TRPM4: variants seen among roughly 807,000 people sequenced by gnomAD.
TRPM4 encodes transient receptor potential cation channel subfamily M member 4.
A neutral mutation model predicts 135.6 loss-of-function variants in TRPM4; 124 were observed. The observed-to-expected ratio is 0.91, with a 90% CI of 0.79 to 1.06. The LOEUF is 1.06. TRPM4 is among the 50% of genes least tolerant of loss of function. TRPM4 has a pLI of 0.00. For missense variants in TRPM4, 1,658 were observed against 1,671.4 expected, an observed-to-expected ratio of 0.99 and a Z score of 0.14; for synonymous variants, 745 against 705.6, an observed-to-expected ratio of 1.06 and a Z score of -0.88.
In TRPM4 at chr19:49,190,718, C is replaced by T. The variant is rs760650918; in HGVS notation, c.2155C>T (p.Arg719Trp). Residue 719 changes from arginine (R) to tryptophan (W), a missense_variant, in exon 16 of 25, where the codon CGG (arginine) becomes TGG (tryptophan). This residue lies in a region of TRPM4 where 1,412 missense variants were observed against 1,408.7 expected (regional missense o/e 1.00). Coordinates refer to ENST00000252826, the MANE Select transcript of TRPM4 (RefSeq NM_017636.4). ...TFRKSEEEPT[R>W]EELEFDMDSV... ...TAGGAAATCAGAAGAGGAGCCCACA[C>T]GGGAGGAGCTAGAGTTTGACATGGA... is the stretch of plus-strand genomic sequence containing the variant. 4.5e-5 allele frequency: 72 copies of T among 1,613,954 alleles called. No individual in the cohort carries two copies. The highest frequency in any genetic ancestry group is 3.3e-4 in the South Asian group (30 of 91,086).
chr19:49,175,817 C>T (rs551769066), intron 9 of TRPM4, among the ~76,000 whole-genome samples: 56 of 150,580 alleles, frequency 3.7e-4, no homozygotes, highest in Admixed American at 1.5e-3. Flanking sequence ...TTAGTAGAGA[C>T]GGAGTTTCAC....
At chr19:49,174,144 T>G (rs915685880) in intron 9 of TRPM4, among the ~76,000 whole-genome samples, 2 of 149,620 alleles carry the variant, frequency 1.3e-5, no homozygotes, top group Non-Finnish European at 3.0e-5. Flanking sequence ...CAAGGAAAAG[T>G]TGTGTGTGTG....
chr19:49,174,743 CAAA>C (rs34163341), intron 9 of TRPM4, among the ~76,000 whole-genome samples: 5 of 94,502 alleles, frequency 5.3e-5, no homozygotes, highest in Admixed American at 1.3e-4. Context: ...GACTCTGTCT[CAAA>C]AAAAAAAAAA....
chr19:49,160,171 A>G (rs567699443), intron 2 of TRPM4, among the ~76,000 whole-genome samples: 1 of 152,224 alleles, frequency 6.6e-6, no homozygotes, highest in Non-Finnish European at 1.5e-5. Context: ...GTGACATTTG[A>G]AAGTGAGCTG....
chr19:49,184,955 A>T lies in TRPM4; in HGVS notation c.1743+1743A>T, dbSNP rs976725339. Among the ~76,000 whole-genome samples the T allele has an allele frequency of 1.8e-4, 27 of 151,322 alleles. 1 individual carries two copies. The highest frequency in any genetic ancestry group is 3.9e-4 in the African/African-American group (16 of 41,298). On this transcript the variant is annotated intron_variant, in intron 12 of 24. Coordinates refer to ENST00000252826, the MANE Select transcript of TRPM4 (RefSeq NM_017636.4). Reference sequence around the variant, plus strand: ...TCTTTTTTTTTTAATTTTTATTTTTAAAAAAATAAATTCAGTGTTCACATT... The same window carrying T: ...TCTTTTTTTTTTAATTTTTATTTTTTAAAAAATAAATTCAGTGTTCACATT...
In TRPM4 at chr19:49,210,919, G is replaced by A; in HGVS notation, c.3461+77G>A. 6.3e-7 allele frequency: 1 copy of A among 1,589,418 alleles called. No homozygotes were observed. Among genetic ancestry groups the A allele is most frequent in the Non-Finnish European group, 8.6e-7 (1 of 1,168,792 alleles). ...GACTTCAGCTGAAGGCAGGGTCCTG[G>A]GAGGGAGGGAGAGAGGGAGGAGGCC... On this transcript the variant is annotated intron_variant, in intron 22 of 24. Transcript: ENST00000252826. This position sits in a 1 kb window ranked among gnomAD's most constrained non-coding sequence, Gnocchi z 4.1.
chr19:49,210,564 G>A lies in TRPM4; in HGVS notation c.3329-146G>A. On this transcript the variant is annotated intron_variant, in intron 21 of 24. Transcript: ENST00000252826. The surrounding 1 kb of genome is among the most constrained non-coding windows in gnomAD (Gnocchi z 4.1). ...GGCGGAGCTTAAGCACTGAGGGGCA[G>A]TGCTTACGGGTGAGGGGCGGGGCAT... is the stretch of plus-strand genomic sequence containing the variant. 7.0e-7 allele frequency: 1 copy of A among 1,436,770 alleles called. No individual in the cohort carries two copies. Among genetic ancestry groups the A allele is most frequent in the Non-Finnish European group, 9.6e-7 (1 of 1,038,072 alleles). The allele number at this position is 1,436,770 out of a possible 1,614,324, so 89.0% of individuals were successfully genotyped here. A position where few individuals can be genotyped will look rare whatever the true frequency, so the allele number is the denominator to read the frequency against.
chr19:49,164,659 G>A (rs1967103929), intron 2 of TRPM4, among the ~76,000 whole-genome samples: 1 of 151,406 alleles, frequency 6.6e-6, no homozygotes. Flanking sequence ...TGGGATTACA[G>A]GCATGAGCCA....
In TRPM4 at chr19:49,211,448, C is replaced by G. The variant is rs1969366800; in HGVS notation, c.3641-46C>G. 6.2e-7 allele frequency: 1 copy of G among 1,613,698 alleles called. No individual in the cohort carries two copies. ...CAGTCTCCCAGTTTTTCTGTCTCTC[C>G]CCTTCCCTGCCAATCACCTGCTCTC... On this transcript the variant is annotated intron_variant, in intron 24 of 24. Transcript: ENST00000252826. The surrounding 1 kb of genome is among the most constrained non-coding windows in gnomAD (Gnocchi z 4.8).
chr19:49,192,273 G>T (rs1005577709), intron 16 of TRPM4, among the ~76,000 whole-genome samples: 3 of 152,092 alleles, frequency 2.0e-5, no homozygotes, highest in African/African-American at 7.2e-5. Flanking sequence ...CTCTCAAGTA[G>T]CTGGGATTAC....
In TRPM4 at chr19:49,211,341, C is replaced by A; in HGVS notation, c.3640+72C>A. On this transcript the variant is annotated intron_variant, in intron 24 of 24. Transcript: ENST00000252826. The surrounding 1 kb of genome is among the most constrained non-coding windows in gnomAD (Gnocchi z 4.8). ...ATTTTTGCGTGTTTTTCTCTCTCGG[C>A]ACCTTTCCAGTGTCCCTGGGTCACT... 1 of 1,573,618 alleles carries A rather than the reference C, an allele frequency of 6.4e-7. No homozygotes were observed. The highest frequency in any genetic ancestry group is 8.7e-7 in the Non-Finnish European group (1 of 1,150,102).
At position 49,202,061 on chromosome 19, in the gene TRPM4, C is replaced by A. The variant is rs985101144; in HGVS notation, c.3051C>A (p.Asn1017Lys). Reference sequence around the variant, plus strand: ...GCACCTGCGTCTCCCAGTATGCCAACTGGCTGGTGGTGCTGCTCCTCGTCA... The same window carrying A: ...GCACCTGCGTCTCCCAGTATGCCAAATGGCTGGTGGTGCTGCTCCTCGTCA... The part of the protein sequence containing the change: ...QAGTCVSQYA[N>K]WLVVLLLVIF... The change falls in exon 20 of 25, where the codon AAC (asparagine) becomes AAA (lysine). Residue 1017 changes from asparagine to lysine, a missense_variant. Around this residue, in one of 3 missense-constraint regions of TRPM4, gnomAD observed 1,412 missense variants for 1,408.7 expected, o/e 1.00. Coordinates refer to ENST00000252826, the MANE Select transcript of TRPM4 (RefSeq NM_017636.4). 1.9e-6 allele frequency: 3 copies of A among 1,614,006 alleles called. No individual in the cohort carries two copies. The African/African-American group carries it at 4.0e-5, about 22-fold the overall frequency.
At chr19:49,162,566 A>C (rs370956013) in intron 2 of TRPM4, among the ~76,000 whole-genome samples, 1 of 150,166 alleles carries the variant, frequency 6.7e-6, no homozygotes, top group East Asian at 1.9e-4. Context: ...ACAAACAAAC[A>C]AAAAAACAAT....
In TRPM4 at chr19:49,168,555, C is replaced by T; in HGVS notation, c.615C>T (p.Gly205=). The change falls in exon 6 of 25, where the codon GGC becomes GGT. Residue 205 remains glycine, a splice_region_variant and synonymous_variant. Transcript: ENST00000252826. The stretch of plus-strand genomic sequence containing the variant: ...TGGTCTGGCCATTTTTCCCCTAGGG[C>T]TCGTTCCCTGCGAGGTACCGGTGGC... The part of the protein sequence containing the change: ...RNRDTLINPK[G]SFPARYRWRG... 1 of 1,613,910 alleles carries T rather than the reference C, an allele frequency of 6.2e-7. No individual in the cohort carries two copies. The highest frequency in any genetic ancestry group is 1.1e-5 in the South Asian group (1 of 91,082).
chr19:49,167,867 T>C (rs746461185), intron 3 of TRPM4, 50 bp from the exon 4 acceptor site: 1 of 1,560,304 alleles, frequency 6.4e-7, no homozygotes. Context: ...TCCCCGTCTC[T>C]CTGGGTCTCT....
At chr19:49,190,547 TG>T (rs1452592811) in intron 15 of TRPM4, 148 bp from the exon 16 acceptor site, 4 of 871,428 alleles carry the variant, frequency 4.6e-6, no homozygotes, top group Non-Finnish European at 7.3e-6. Flanking sequence ...GCCATGGCTC[TG>T]GGGGAAGGTC....
intron 15 of TRPM4, 37 bp downstream of exon 15, chr19:49,190,357 C>T (rs371862516): frequency 5.5e-5 from 87 of 1,577,480 alleles, no homozygotes; most frequent in Admixed American, 1.0e-4. Context: ...GGGATGGGGG[C>T]GGGGTGCTCA....
chr19:49,178,772 T>TG (rs1555754745), intron 9 of TRPM4, among the ~76,000 whole-genome samples: 16,253 of 150,084 alleles, frequency 0.11, 1,502 homozygotes, highest in African/African-American at 0.24. Context: ...TTTTTTATTT[T>TG]TTTTGAGATG....
Position 49,172,040 on chromosome 19 carries a change from T to G in TRPM4, c.1082T>G (p.Leu361Arg), listed in dbSNP as rs148763371. The part of the protein sequence containing the change: ...VERIMTRKEL[L>R]TVYSSEDGSE... ...AGGATTATGACCCGGAAGGAGCTCC[T>G]GACAGTCTATTCTTCTGAGGATGGG... The change falls in exon 9 of 25, where the codon CTG (leucine) becomes CGG (arginine). Residue 361 changes from leucine (L) to arginine (R), a missense_variant. Leu to Arg is a moderately radical substitution (Grantham distance 102, BLOSUM62 -2). This residue lies in a region of TRPM4 where 1,412 missense variants were observed against 1,408.7 expected (regional missense o/e 1.00). Coordinates refer to ENST00000252826, the MANE Select transcript of TRPM4 (RefSeq NM_017636.4). The G allele has an allele frequency of 2.5e-4, 401 of 1,613,952 alleles. No individual in the cohort carries two copies. Among genetic ancestry groups the G allele is most frequent in the Middle Eastern group, 1.8e-3 (11 of 6,078 alleles).
Sources: gnomAD v4.1 joint callset for allele counts (sites outside exome capture counted in the v4.1 genomes callset) on GRCh38, gnomAD v4.1.1 for gene constraint, gnomAD v4.1.1 regional missense constraint, Gnocchi (gnomAD v3.1) non-coding constraint, MANE v1.5 for transcripts, NCBI Gene and HGNC (gene_info 2026-07-23, HGNC 2026-07-21) for gene names.